KIF6: variants seen among roughly 807,000 people sequenced by gnomAD.
KIF6 encodes kinesin-like protein KIF6.
In KIF6, 106 loss-of-function variants were observed where a neutral mutation model predicts 112.7. The observed-to-expected ratio is 0.94, with a 90% CI of 0.80 to 1.11. The LOEUF is 1.11. Ranked by LOEUF, KIF6 falls within the 50% of genes least tolerant of loss-of-function variation. The probability of loss-of-function intolerance (pLI) is 0.00; values close to 1 mark genes in which losing one functional copy is unlikely to be tolerated. For missense variants in KIF6, 929 were observed against 964.0 expected (o/e 0.96, Z 0.48); for synonymous variants, 339 against 339.9 (o/e 1.00, Z 0.03).
chr6:39,487,917 C>T (rs188304136), intron 13 of KIF6, among the ~76,000 whole-genome samples: 111 of 152,236 alleles, frequency 7.3e-4, no homozygotes, highest in African/African-American at 2.5e-3. Context: ...AATATTAACC[C>T]TCAACATTGG....
In KIF6 at chr6:39,706,121, T is replaced by G. The variant is rs1278454440; in HGVS notation, c.251+8571A>C. Among the ~76,000 whole-genome samples the G allele has an allele frequency of 2.0e-5, 3 of 152,244 alleles. No homozygotes were observed. The East Asian group carries it at 5.8e-4, about 29-fold the overall frequency. On this transcript the variant is annotated intron_variant, in intron 3 of 22. Transcript: ENST00000287152. ...TTTTCACCCCTTGCATATACAATAT[T>G]CTGTCAAGGAATCCTACTTCTTACA...
chr6:39,554,359 C>G (rs937676650), intron 10 of KIF6: 1 of 156,478 alleles, frequency 6.4e-6, no homozygotes, highest in Non-Finnish European at 1.4e-5. Flanking sequence ...ACCTGAACAG[C>G]CTGACTGGCC....
At chr6:39,564,962 A>G (rs1051744032) in intron 10 of KIF6, among the ~76,000 whole-genome samples, 1 of 152,202 alleles carries the variant, frequency 6.6e-6, no homozygotes, top group African/African-American at 2.4e-5. Flanking sequence ...GGGTTCCTTA[A>G]CAAAATGAAA....
chr6:39,712,129 G>A (rs933160842), intron 3 of KIF6, among the ~76,000 whole-genome samples: 2 of 151,966 alleles, frequency 1.3e-5, no homozygotes, highest in African/African-American at 4.8e-5. Context: ...AAATTATGGC[G>A]ATCATAAAAA....
At chr6:39,370,904 G>T (rs1464886612) in intron 16 of KIF6, among the ~76,000 whole-genome samples, 1 of 152,066 alleles carries the variant, frequency 6.6e-6, no homozygotes, top group African/African-American at 2.4e-5. Flanking sequence ...ATGGGCTGAT[G>T]ATCTGCTAGT....
At chr6:39,599,610 C>A (rs914662889) in intron 6 of KIF6, among the ~76,000 whole-genome samples, 3 of 152,178 alleles carry the variant, frequency 2.0e-5, no homozygotes, top group Non-Finnish European at 4.4e-5. Context: ...AAACCGCAAA[C>A]TCAAATTTAG....
chr6:39,488,346 A>G (rs962337706), intron 13 of KIF6, among the ~76,000 whole-genome samples: 2 of 152,210 alleles, frequency 1.3e-5, no homozygotes, highest in Non-Finnish European at 2.9e-5. Flanking sequence ...TCCACACTCA[A>G]TAATCATCTT....
intron 3 of KIF6, among the ~76,000 whole-genome samples, chr6:39,704,651 G>C (rs1281032850): frequency 3.9e-5 from 6 of 151,940 alleles, no homozygotes; most frequent in African/African-American, 1.4e-4. Context: ...AACAGAGAAA[G>C]ATGAAATAAC....
At chr6:39,422,276 A>C (rs1770427591) in intron 14 of KIF6, among the ~76,000 whole-genome samples, 1 of 152,130 alleles carries the variant, frequency 6.6e-6, no homozygotes, top group Non-Finnish European at 1.5e-5. Flanking sequence ...GGAGTCCCCC[A>C]GCCTTGGCGG....
chr6:39,722,998 C>T (rs575516459), intron 1 of KIF6, among the ~76,000 whole-genome samples: 2 of 152,232 alleles, frequency 1.3e-5, no homozygotes, highest in Non-Finnish European at 2.9e-5. Flanking sequence ...AGCCCCACCC[C>T]TACCCATCCT....
At chr6:39,571,506 T>G (rs1430199931) in intron 10 of KIF6, among the ~76,000 whole-genome samples, 1 of 152,222 alleles carries the variant, frequency 6.6e-6, no homozygotes, top group Non-Finnish European at 1.5e-5. Context: ...GTACTGTCTC[T>G]CCACAAGAAT....
At position 39,550,695 on chromosome 6, in the gene KIF6, A is replaced by AT. The variant is rs1425956915; in HGVS notation, c.1182-5008_1182-5007insA. Among the ~76,000 whole-genome samples, 1,020 of 152,314 alleles carry AT rather than the reference A, an allele frequency of 6.7e-3. 11 individuals carry two copies. The highest frequency in any genetic ancestry group is 0.023 in the African/African-American group (976 of 41,572). The stretch of plus-strand genomic sequence containing the variant: ...ATTTGACAGCTCATTCCAGAGAGCT[A>AT]GAAAGGAGTTCTGATTTATAAAACT... On this transcript the variant is annotated intron_variant, in intron 10 of 22. Transcript: ENST00000287152.
intron 6 of KIF6, among the ~76,000 whole-genome samples, chr6:39,603,784 T>C (rs921893667): frequency 1.3e-5 from 2 of 152,128 alleles, no homozygotes; most frequent in South Asian, 4.1e-4. Flanking sequence ...CCTTCAATGA[T>C]TCAAATAACC....
At chr6:39,673,804 C>A (rs1489936181) in intron 3 of KIF6, among the ~76,000 whole-genome samples, 1 of 152,120 alleles carries the variant, frequency 6.6e-6, no homozygotes, top group Non-Finnish European at 1.5e-5. Context: ...AAGGTAAGAT[C>A]CAAAATTTCT....
intron 17 of KIF6, 64 bp downstream of exon 17, chr6:39,362,370 C>A (rs1765224557): frequency 1.6e-6 from 2 of 1,272,322 alleles, no homozygotes; most frequent in South Asian, 2.4e-5. Context: ...CTGGGAAGCT[C>A]CAGGACGACA....
At chr6:39,588,421 G>T (rs1781753592) in intron 7 of KIF6, among the ~76,000 whole-genome samples, 1 of 151,974 alleles carries the variant, frequency 6.6e-6, no homozygotes, top group Non-Finnish European at 1.5e-5. Context: ...TGCTATGTTG[G>T]CCAGGCTGGT....
chr6:39,469,036 A>G (rs1773971443), intron 13 of KIF6, among the ~76,000 whole-genome samples: 1 of 152,096 alleles, frequency 6.6e-6, no homozygotes, highest in Non-Finnish European at 1.5e-5. Flanking sequence ...ATAATAGCAT[A>G]AAAAAGGGAA....
intron 5 of KIF6, among the ~76,000 whole-genome samples, chr6:39,620,972 T>C (rs934901215): frequency 2.0e-5 from 3 of 152,172 alleles, no homozygotes; most frequent in Non-Finnish European, 2.9e-5. Context: ...TTTTGCCATG[T>C]TAGCCAGGCT....
intron 13 of KIF6, among the ~76,000 whole-genome samples, chr6:39,534,000 T>A (rs1778246482): frequency 2.6e-5 from 4 of 152,068 alleles, no homozygotes; most frequent in Admixed American, 2.6e-4. Flanking sequence ...CAGCTGAGGG[T>A]CCTGTCTGTT....
Sources: allele counts gnomAD v4.1 joint callset (sites outside exome capture counted in the v4.1 genomes callset), GRCh38; gene constraint gnomAD v4.1.1; transcripts MANE v1.5; gene names NCBI Gene and HGNC (gene_info 2026-07-23, HGNC 2026-07-21).